Variants in ARFGAP3 observed in about 807,000 individuals in gnomAD.
The protein encoded by ARFGAP3 is ADP-ribosylation factor GTPase-activating protein 3.
Under a neutral mutation model 75.0 loss-of-function variants are expected in ARFGAP3, and 72 were observed. The ratio of observed to expected loss-of-function variants is 0.96; its 90% CI spans 0.79 to 1.17. The LOEUF (loss-of-function observed/expected upper bound fraction) is 1.17. Ranked by LOEUF, ARFGAP3 falls within the 50% of genes most tolerant of loss-of-function variation. The pLI, the probability that ARFGAP3 is intolerant of heterozygous loss-of-function variation, is 0.00. For missense variants in ARFGAP3, 620 were observed against 626.6 expected (o/e 0.99, Z 0.11); for synonymous variants, 221 against 217.9 (o/e 1.01, Z -0.13).
intron 5 of ARFGAP3, 52 bp from the exon 6 acceptor site, chr22:42,831,688 A>C: frequency 6.2e-7 from 1 of 1,611,380 alleles, no homozygotes; most frequent in Non-Finnish European, 8.5e-7. Flanking sequence ...AAACAGCCAT[A>C]AAAAACACAT....
At chr22:42,810,522 G>A (rs1269659978) in intron 12 of ARFGAP3, among the ~76,000 whole-genome samples, 1 of 152,114 alleles carries the variant, frequency 6.6e-6, no homozygotes, top group Non-Finnish European at 1.5e-5. Context: ...TGAAATAGTA[G>A]AACAAAATCA....
intron 11 of ARFGAP3, 146 bp downstream of exon 11, chr22:42,816,996 A>G (rs1425926103): frequency 3.7e-6 from 2 of 542,424 alleles, no homozygotes; most frequent in East Asian, 3.2e-5. Context: ...TTTTTACTCC[A>G]AAGAACAGCT....
chr22:42,832,142 G>A lies in ARFGAP3; in HGVS notation c.478-506C>T, dbSNP rs117377724. On this transcript the variant is annotated intron_variant, in intron 5 of 15. Coordinates refer to ENST00000263245, the MANE Select transcript of ARFGAP3 (RefSeq NM_014570.5). ...CTATTGACTGTGACAATGCTAATAA[G>A]TATGTGCAAATTATAATAGCAAAAA... Among the ~76,000 whole-genome samples, 426 of 142,162 alleles carry A rather than the reference G, an allele frequency of 3.0e-3. 18 individuals are homozygous for A. The East Asian group carries it at 0.061, about 21-fold the overall frequency. The allele number at this position is 142,162 out of a possible 152,430, so 93.3% of individuals were successfully genotyped here.
chr22:42,849,588 A>G (rs1927181694), intron 1 of ARFGAP3, among the ~76,000 whole-genome samples: 1 of 140,558 alleles, frequency 7.1e-6, no homozygotes, highest in South Asian at 2.2e-4. Context: ...TAAAGAGACA[A>G]GGTCTGGCTC....
At chr22:42,823,622 C>A in intron 8 of ARFGAP3, 34 bp downstream of exon 8, 1 of 1,439,192 alleles carries the variant, frequency 6.9e-7, no homozygotes, top group South Asian at 1.3e-5. Flanking sequence ...AGCTTAACTA[C>A]CAGATTTTTA....
At chr22:42,841,930 G>A (rs942469855) in intron 2 of ARFGAP3, among the ~76,000 whole-genome samples, 9 of 147,742 alleles carry the variant, frequency 6.1e-5, no homozygotes, top group Non-Finnish European at 1.2e-4. Flanking sequence ...TGTGATCACA[G>A]CTCATTGCAG....
chr22:42,824,369 A>G (rs1602108741), intron 7 of ARFGAP3, among the ~76,000 whole-genome samples: 1 of 151,226 alleles, frequency 6.6e-6, no homozygotes, highest in African/African-American at 2.4e-5. Flanking sequence ...AAATCTAACA[A>G]TTTTTTAGAG....
chr22:42,820,369 CTA>C (rs3838164), intron 9 of ARFGAP3, among the ~76,000 whole-genome samples: 55,829 of 151,954 alleles, frequency 0.37, 11,125 homozygotes, highest in Non-Finnish European at 0.45. Context: ...GTGCTGCCCC[CTA>C]TGTTCTGTGA....
In ARFGAP3 at chr22:42,822,183, C is replaced by G. The variant is rs1158809863; in HGVS notation, c.812+87G>C. On this transcript the variant is annotated intron_variant, in intron 9 of 15. Coordinates refer to ENST00000263245, the MANE Select transcript of ARFGAP3 (RefSeq NM_014570.5). ...CAGTACCCTCCCTTCCCCCCCCACACAAAAATACATGGCATTTGGAAAGCA... is the reference window on the plus strand; with the variant it reads ...CAGTACCCTCCCTTCCCCCCCCACAGAAAAATACATGGCATTTGGAAAGCA... 3.5e-6 allele frequency: 4 copies of G among 1,143,982 alleles called. No homozygotes were observed. The East Asian group carries it at 7.3e-5, about 21-fold the overall frequency. The allele number at this position is 1,143,982 out of a possible 1,614,324, so 70.9% of individuals were successfully genotyped here. A position where few individuals can be genotyped will look rare whatever the true frequency, so the allele number is the denominator to read the frequency against.
At chr22:42,800,883 G>A (rs1288019882) in intron 14 of ARFGAP3, among the ~76,000 whole-genome samples, 2 of 152,234 alleles carry the variant, frequency 1.3e-5, no homozygotes, top group Non-Finnish European at 2.9e-5. Context: ...CCAGCCACCT[G>A]CTCAGGAAGA....
chr22:42,856,988 C>T (rs913374330), intron 1 of ARFGAP3, 126 bp downstream of exon 1: 1 of 976,994 alleles, frequency 1.0e-6, no homozygotes, highest in Non-Finnish European at 1.3e-6. Flanking sequence ...GCCGCGGCCC[C>T]ACAGTGCGAC....
intron 11 of ARFGAP3, among the ~76,000 whole-genome samples, chr22:42,813,136 C>T (rs563466970): frequency 7.9e-4 from 121 of 152,324 alleles, no homozygotes; most frequent in African/African-American, 2.9e-3. Context: ...ACTTAATAAG[C>T]ACCTACGAGG....
chr22:42,854,877 C>G (rs926858869), intron 1 of ARFGAP3, among the ~76,000 whole-genome samples: 5 of 152,160 alleles, frequency 3.3e-5, no homozygotes, highest in Non-Finnish European at 7.3e-5. Flanking sequence ...AGGTCTCAAC[C>G]AAGAAATATA....
intron 1 of ARFGAP3, among the ~76,000 whole-genome samples, chr22:42,854,682 C>T (rs1009327225): frequency 1.3e-5 from 2 of 151,868 alleles, no homozygotes; most frequent in Non-Finnish European, 2.9e-5. Flanking sequence ...GACCTTTGAT[C>T]TAGAGTAAAT....
At position 42,822,391 on chromosome 22, in the gene ARFGAP3, T is replaced by G. The variant is rs9607957; in HGVS notation, c.691A>C (p.Ser231Arg). The change falls in exon 9 of 16, where the codon AGT becomes CGT. Residue 231 changes from serine to arginine, a missense_variant. Physicochemically the swap from Ser to Arg is moderately radical, Grantham distance 110. Coordinates refer to ENST00000263245, the MANE Select transcript of ARFGAP3 (RefSeq NM_014570.5). ...AKKGLGAKKG[S>R]LGAQKLANTC... ...TTTGCCAGTTTCTGAGCTCCCAAAC[T>G]TCCTTTTTTGGCCCCAAGCTAGAAC... The G allele has an allele frequency of 1.2e-6, 2 of 1,613,984 alleles. No homozygotes were observed. The highest frequency in any genetic ancestry group is 4.5e-5 in the East Asian group (2 of 44,886).
intron 11 of ARFGAP3, among the ~76,000 whole-genome samples, chr22:42,812,316 T>G (rs1925403069): frequency 6.8e-6 from 1 of 147,500 alleles, no homozygotes; most frequent in Non-Finnish European, 1.5e-5. Flanking sequence ...TATACACACC[T>G]CATTAAGGCA....
At chr22:42,836,842 GA>G (rs1221769154) in intron 3 of ARFGAP3, among the ~76,000 whole-genome samples, 1 of 152,166 alleles carries the variant, frequency 6.6e-6, no homozygotes, top group Non-Finnish European at 1.5e-5. Flanking sequence ...TACAGATGGG[GA>G]AAATGAAGCA....
chr22:42,837,675 CTT>C (rs71186547), intron 3 of ARFGAP3, among the ~76,000 whole-genome samples: 2,080 of 75,448 alleles, frequency 0.028, 13 homozygotes, highest in African/African-American at 0.045. Flanking sequence ...AGGCATACTT[CTT>C]TTTTTTTTTT....
At chr22:42,856,910 C>T (rs1026116903) in intron 1 of ARFGAP3, among the ~76,000 whole-genome samples, 1 of 150,820 alleles carries the variant, frequency 6.6e-6, no homozygotes, top group East Asian at 1.9e-4. Context: ...CGTGAGGACC[C>T]CCGCGCTGCG....
Sources: gnomAD v4.1 joint callset for allele counts (sites outside exome capture counted in the v4.1 genomes callset) on GRCh38, gnomAD v4.1.1 for gene constraint, MANE v1.5 for transcripts, NCBI Gene and HGNC (gene_info 2026-07-23, HGNC 2026-07-21) for gene names.